The following SH3KBP1 variants were observed in gnomAD, a reference collection of about 807,000 sequenced individuals.
The protein encoded by SH3KBP1 is SH3 domain-containing kinase-binding protein 1.
A neutral mutation model predicts 50.1 loss-of-function variants in SH3KBP1; 8 were observed. The observed-to-expected ratio is 0.16, with a 90% confidence interval of 0.09 to 0.29. SH3KBP1 has a LOEUF of 0.29. Ranked by LOEUF, SH3KBP1 falls within the 10% of genes least tolerant of loss-of-function variation. The pLI is 1.00. For synonymous variants in SH3KBP1, 227 were observed against 218.6 expected (o/e 1.04, Z -0.34); for missense variants, 377 against 535.2 (o/e 0.70, Z 2.92).
intron 2 of SH3KBP1, among the ~76,000 whole-genome samples, chrX:19,779,766 T>G (rs1475012619): frequency 9.5e-6 from 1 of 105,778 alleles, no homozygotes; most frequent in African/African-American, 3.4e-5. Context: ...CTCATCATTT[T>G]TTATGGCTGC....
At chrX:19,713,520 C>T (rs2063829109) in intron 3 of SH3KBP1, among the ~76,000 whole-genome samples, 1 of 109,000 alleles carries the variant, frequency 9.2e-6, no homozygotes, top group African/African-American at 3.4e-5. Context: ...CCTCAGCCTC[C>T]CAAAGTGCTG....
At chrX:19,806,121 A>C (rs919153079) in intron 2 of SH3KBP1, among the ~76,000 whole-genome samples, 1 of 112,046 alleles carries the variant, frequency 8.9e-6, no homozygotes, top group African/African-American at 3.3e-5. Flanking sequence ...CATGTACTTA[A>C]TATGGTTCAT....
At chrX:19,615,068 C>A (rs2148161622) in intron 8 of SH3KBP1, among the ~76,000 whole-genome samples, 1 of 112,105 alleles carries the variant, frequency 8.9e-6, no homozygotes, top group South Asian at 3.7e-4. Flanking sequence ...GAAGCTTCAT[C>A]TATATGATCA....
chrX:19,637,493 A>T (rs1320184587), intron 7 of SH3KBP1, among the ~76,000 whole-genome samples: 2 of 111,981 alleles, frequency 1.8e-5, no homozygotes, highest in Non-Finnish European at 3.8e-5. Context: ...AAAGTGTCAG[A>T]GTATCTGAAA....
chrX:19,561,072 T>TAA (rs1278440852), intron 13 of SH3KBP1, among the ~76,000 whole-genome samples: 25 of 47,998 alleles, frequency 5.2e-4, no homozygotes, highest in South Asian at 1.0e-3. Context: ...AGACCCTGTC[T>TAA]AAAAAAAAAA....
chrX:19,572,904 C>T (rs1034753090), intron 12 of SH3KBP1, among the ~76,000 whole-genome samples: 1 of 111,400 alleles, frequency 9.0e-6, no homozygotes, highest in African/African-American at 3.3e-5. Flanking sequence ...ACCCACGTGC[C>T]CTCCTGACAT....
At chrX:19,764,048 C>A (rs1257993088) in intron 2 of SH3KBP1, among the ~76,000 whole-genome samples, 1 of 107,690 alleles carries the variant, frequency 9.3e-6, no homozygotes, top group African/African-American at 3.4e-5. Flanking sequence ...ACAAAATACC[C>A]ATTTTTTCTA....
In SH3KBP1 at chrX:19,694,466, T is replaced by TC. The variant is rs773270289; in HGVS notation, c.520+1145dup. On this transcript the variant is annotated intron_variant, in intron 5 of 17. Transcript: ENST00000397821. ...AACAGGAGCTCCAAGACACCTCGTT[T>TC]CCCCCCCCAACCCCTTCCAGTGCTT... 3.1e-3 allele frequency among the ~76,000 whole-genome samples: 342 copies of TC among 109,246 alleles called. 1 individual carries two copies. Among genetic ancestry groups the TC allele is most frequent in the Admixed American group, 5.3e-3 (54 of 10,273 alleles). 94.9% of individuals were successfully genotyped at this position (109,246 alleles called of 115,157 possible).
At chrX:19,830,923 T>C (rs2067854584) in intron 2 of SH3KBP1, among the ~76,000 whole-genome samples, 1 of 112,142 alleles carries the variant, frequency 8.9e-6, no homozygotes, top group African/African-American at 3.2e-5. Context: ...TTCTGCATAA[T>C]GAAAAATAGC....
At chrX:19,566,170 T>C (rs1458835041) in intron 13 of SH3KBP1, among the ~76,000 whole-genome samples, 1 of 110,590 alleles carries the variant, frequency 9.0e-6, no homozygotes, top group East Asian at 2.8e-4. Context: ...TGAGAAGATA[T>C]AGCCTTCTAG....
intron 8 of SH3KBP1, among the ~76,000 whole-genome samples, chrX:19,614,757 T>C (rs1405200056): frequency 8.9e-6 from 1 of 111,978 alleles, no homozygotes; most frequent in Non-Finnish European, 1.9e-5. Flanking sequence ...TCTGAGATTC[T>C]ACACTTCTAA....
At chrX:19,580,950 T>C (rs1303971903) in intron 12 of SH3KBP1, among the ~76,000 whole-genome samples, 1 of 111,351 alleles carries the variant, frequency 9.0e-6, no homozygotes, top group Non-Finnish European at 1.9e-5. Flanking sequence ...CTTTTTTTTC[T>C]CTTTTTAATT....
chrX:19,843,201 G>C (rs1358754869), intron 1 of SH3KBP1, among the ~76,000 whole-genome samples: 1 of 108,022 alleles, frequency 9.3e-6, no homozygotes, highest in Non-Finnish European at 1.9e-5. Flanking sequence ...GTATTTTTTA[G>C]TAGAGAAGGG....
intron 1 of SH3KBP1, among the ~76,000 whole-genome samples, chrX:19,884,023 G>A (rs917657107): frequency 1.8e-5 from 2 of 111,608 alleles, no homozygotes; most frequent in East Asian, 2.8e-4. Context: ...CGGTTCCCAC[G>A]GTGCTCGTTT....
rs1313284698 is a variant in SH3KBP1 at position 19,541,935 on chromosome X, C to T, written c.1882G>A (p.Asp628Asn). ...TCCCCAGGCACTCACTTCTGCTGGT[C>T]CTTCATGGTCTCGATGATGCTCCTC... ...ELRSIIETMK[D>N]QQKREIKQLL... Residue 628 changes from aspartate (D) to asparagine (N), a missense_variant, in exon 16 of 18, where the codon GAC becomes AAC. Asp to Asn is a conservative substitution (Grantham distance 23, BLOSUM62 1). This residue lies in a region of SH3KBP1 where 110 missense variants were observed against 124.1 expected (regional missense o/e 0.89). Coordinates refer to ENST00000397821, the MANE Select transcript of SH3KBP1 (RefSeq NM_031892.3). The T allele has an allele frequency of 8.3e-7, 1 of 1,205,896 alleles. No homozygotes were observed. The highest frequency in any genetic ancestry group is 1.1e-6 in the Non-Finnish European group (1 of 892,899).
chrX:19,540,636 C>T (rs191445197), intron 16 of SH3KBP1, among the ~76,000 whole-genome samples: 129 of 111,540 alleles, frequency 1.2e-3, no homozygotes, highest in African/African-American at 4.0e-3. Flanking sequence ...GGCTTCATCG[C>T]TGTAAGTCTC....
At position 19,658,019 on chromosome X, in the gene SH3KBP1, C is replaced by A. The variant is rs770558596; in HGVS notation, c.727-12544G>T. 2.7e-5 allele frequency among the ~76,000 whole-genome samples: 3 copies of A among 110,787 alleles called. No individual in the cohort carries two copies. The South Asian group carries it at 1.1e-3, about 42-fold the overall frequency. On this transcript the variant is annotated intron_variant, in intron 6 of 17. Coordinates refer to ENST00000397821, the MANE Select transcript of SH3KBP1 (RefSeq NM_031892.3). ...ATGGTTGCACAGCAGTGTGAATGTC[C>A]TTAAAGCCACTGAACTACACACTTA...
intron 2 of SH3KBP1, among the ~76,000 whole-genome samples, chrX:19,804,560 G>A (rs767558349): frequency 5.1e-4 from 57 of 110,772 alleles, no homozygotes; most frequent in Non-Finnish European, 8.3e-4. Context: ...TTCCAACAGT[G>A]AAGTTTTCAA....
chrX:19,682,985 C>A (rs2063091647), intron 6 of SH3KBP1, among the ~76,000 whole-genome samples: 1 of 111,197 alleles, frequency 9.0e-6, no homozygotes, highest in Non-Finnish European at 1.9e-5. Context: ...CCCCGTCCCC[C>A]AAATCTGCTG....
Sources: allele counts gnomAD v4.1 joint callset (sites outside exome capture counted in the v4.1 genomes callset), GRCh38; gene constraint gnomAD v4.1.1; regional missense constraint gnomAD v4.1.1; transcripts MANE v1.5; gene names NCBI Gene and HGNC (gene_info 2026-07-23, HGNC 2026-07-21).